The following PPARGC1A variants were observed in gnomAD, a reference collection of about 807,000 sequenced individuals.
PPARGC1A encodes PPARG coactivator 1 alpha.
PPARGC1A carries 25 observed loss-of-function variants against 88.7 expected under a neutral mutation model. That is an observed-to-expected ratio of 0.28 (90% CI 0.21 to 0.39). PPARGC1A has a LOEUF of 0.39. Among genes scored for constraint, PPARGC1A ranks in the 10% least tolerant of loss-of-function variants. The pLI is 1.00. For missense variants in PPARGC1A, 880 were observed against 968.7 expected (o/e 0.91, Z 1.22); for synonymous variants, 363 against 355.6 (o/e 1.02, Z -0.24).
chr4:24,114,750 T>C, the PPARGC1A span, among the ~76,000 whole-genome samples: 1 of 152,174 alleles, frequency 6.6e-6, no homozygotes, highest in Admixed American at 6.5e-5. Context: ...ATTATTACTG[T>C]TTAGGATGCA....
the PPARGC1A span, among the ~76,000 whole-genome samples, chr4:24,356,514 C>T: frequency 1.3e-5 from 2 of 152,174 alleles, no homozygotes; most frequent in African/African-American, 4.8e-5. Flanking sequence ...ATAAATGTGA[C>T]TTCAATGTGT....
the PPARGC1A span, among the ~76,000 whole-genome samples, chr4:24,004,931 G>C: frequency 6.6e-6 from 1 of 152,162 alleles, no homozygotes; most frequent in Non-Finnish European, 1.5e-5. Flanking sequence ...AAGGCCCATT[G>C]TAGGTACGCA....
chr4:24,040,939 G>A, the PPARGC1A span, among the ~76,000 whole-genome samples: 1 of 152,152 alleles, frequency 6.6e-6, no homozygotes, highest in African/African-American at 2.4e-5. Context: ...GTAGAAGACT[G>A]AAAACATGCA....
the PPARGC1A span, among the ~76,000 whole-genome samples, chr4:24,468,299 C>T: frequency 1.3e-5 from 2 of 152,186 alleles, no homozygotes; most frequent in East Asian, 3.8e-4. Context: ...CATCCCTAGG[C>T]GTGAAACTGT....
the PPARGC1A span, among the ~76,000 whole-genome samples, chr4:24,396,450 T>C: frequency 2.0e-5 from 3 of 152,038 alleles, no homozygotes; most frequent in Non-Finnish European, 2.9e-5. Flanking sequence ...AGTACTCCCA[T>C]AGCATCCTTC....
the PPARGC1A span, among the ~76,000 whole-genome samples, chr4:23,974,719 G>GC: frequency 6.8e-6 from 1 of 147,970 alleles, no homozygotes; most frequent in Non-Finnish European, 1.5e-5. Flanking sequence ...TGCAAGTTCC[G>GC]CCCCCCGGGT....
chr4:24,386,171 G>A, the PPARGC1A span, among the ~76,000 whole-genome samples: 5 of 152,000 alleles, frequency 3.3e-5, no homozygotes, highest in Admixed American at 2.0e-4. Context: ...TGCAGAAAAG[G>A]CCTTCGATAA....
At chr4:23,973,890 G>C in the PPARGC1A span, among the ~76,000 whole-genome samples, 1 of 152,000 alleles carries the variant, frequency 6.6e-6, no homozygotes, top group South Asian at 2.1e-4. Context: ...GTCATACAAA[G>C]GGTCAGCATA....
the PPARGC1A span, among the ~76,000 whole-genome samples, chr4:24,270,047 A>G: frequency 6.6e-6 from 1 of 152,222 alleles, no homozygotes; most frequent in African/African-American, 2.4e-5. Context: ...TTGAATCAGT[A>G]GACTGAGTAC....
chr4:24,430,992 C>T, the PPARGC1A span, among the ~76,000 whole-genome samples: 9 of 151,598 alleles, frequency 5.9e-5, no homozygotes, highest in African/African-American at 1.7e-4. Context: ...GGTGTGGTGG[C>T]GGGTGCCTGG....
the PPARGC1A span, among the ~76,000 whole-genome samples, chr4:23,971,940 A>ATT: frequency 2.0e-5 from 3 of 151,446 alleles, no homozygotes; most frequent in African/African-American, 4.8e-5. Context: ...ATATACATAT[A>ATT]TTTTTTTTTC....
chr4:24,126,425 A>G, the PPARGC1A span, among the ~76,000 whole-genome samples: 1 of 152,170 alleles, frequency 6.6e-6, no homozygotes, highest in Admixed American at 6.6e-5. Flanking sequence ...TTGGCTTTGA[A>G]TGAGCTATGT....
the PPARGC1A span, among the ~76,000 whole-genome samples, chr4:24,030,983 T>C: frequency 1.3e-5 from 2 of 152,014 alleles, no homozygotes; most frequent in Non-Finnish European, 2.9e-5. Flanking sequence ...TGCAGATGAC[T>C]GGAGAAAAGG....
the PPARGC1A span, among the ~76,000 whole-genome samples, chr4:24,155,484 C>T: frequency 2.8e-4 from 42 of 151,738 alleles, no homozygotes; most frequent in South Asian, 6.2e-4. Context: ...ACCTGTAGTC[C>T]CAGCTACTCA....
At chr4:23,953,063 C>CAAACTTACTTA in the PPARGC1A span, among the ~76,000 whole-genome samples, 4 of 152,028 alleles carry the variant, frequency 2.6e-5, no homozygotes, top group Non-Finnish European at 5.9e-5. Context: ...TTACTTAGGT[C>CAAACTTACTTA]TAACTTTTGA....
the PPARGC1A span, among the ~76,000 whole-genome samples, chr4:24,168,611 T>TCA: frequency 9.4e-3 from 1,370 of 145,016 alleles, 27 homozygotes; most frequent in African/African-American, 0.035. Context: ...GAGGAAGAGC[T>TCA]CACACACACA....
At chr4:23,832,523 C>T (rs1725199384) in intron 2 of PPARGC1A, among the ~76,000 whole-genome samples, 1 of 152,006 alleles carries the variant, frequency 6.6e-6, no homozygotes, top group African/African-American at 2.4e-5. Context: ...TGAATAAAGT[C>T]TTACTTTGTA....
chr4:24,124,795 A>G, the PPARGC1A span, among the ~76,000 whole-genome samples: 1 of 152,152 alleles, frequency 6.6e-6, no homozygotes, highest in Non-Finnish European at 1.5e-5. Context: ...TATTCAATCT[A>G]TGATGGGAGA....
At chr4:24,351,549 A>T in the PPARGC1A span, among the ~76,000 whole-genome samples, 1 of 151,916 alleles carries the variant, frequency 6.6e-6, no homozygotes, top group African/African-American at 2.4e-5. Flanking sequence ...TGCTTAAAGC[A>T]GGGTGCTTAT....
Sources: gnomAD v4.1 joint callset for allele counts (sites outside exome capture counted in the v4.1 genomes callset) on GRCh38, gnomAD v4.1.1 for gene constraint, MANE v1.5 for transcripts, NCBI Gene and HGNC (gene_info 2026-07-23, HGNC 2026-07-21) for gene names.